The following FGGY variants were observed in gnomAD, a reference collection of about 807,000 sequenced individuals.
The protein encoded by FGGY is FGGY carbohydrate kinase domain containing.
A neutral mutation model predicts 71.3 loss-of-function variants in FGGY; 72 were observed. That is an observed-to-expected ratio of 1.01 (90% CI 0.84 to 1.23). The LOEUF is 1.23. FGGY is among the 50% of genes most tolerant of loss of function. FGGY has a pLI of 0.00. For synonymous variants in FGGY, 251 were observed against 250.3 expected, an observed-to-expected ratio of 1.00 and a Z score of -0.02; for missense variants, 668 against 682.3, an observed-to-expected ratio of 0.98 and a Z score of 0.23.
chr1:59,669,251 T>C (rs1228955065), intron 13 of FGGY, among the ~76,000 whole-genome samples: 4 of 152,168 alleles, frequency 2.6e-5, no homozygotes, highest in Admixed American at 2.6e-4. Context: ...ATTGTAACTG[T>C]GGTGTGTCGG....
chr1:59,369,787 G>A (rs2057273602), intron 4 of FGGY, among the ~76,000 whole-genome samples: 1 of 152,346 alleles, frequency 6.6e-6, no homozygotes, highest in Non-Finnish European at 1.5e-5. Flanking sequence ...CACCGCTGCT[G>A]ATACCCAGGC....
intron 6 of FGGY, among the ~76,000 whole-genome samples, chr1:59,465,868 A>T (rs184480162): frequency 9.2e-5 from 14 of 152,224 alleles, no homozygotes; most frequent in African/African-American, 9.6e-5. Flanking sequence ...ACACAAACAA[A>T]TGGAAGAACA....
intron 1 of FGGY, among the ~76,000 whole-genome samples, chr1:59,313,604 A>G (rs1259230135): frequency 6.7e-6 from 1 of 149,428 alleles, no homozygotes; most frequent in Non-Finnish European, 1.5e-5. Flanking sequence ...ACACACACAC[A>G]TGATGGAATA....
At chr1:59,384,144 C>A (rs2059809054) in intron 5 of FGGY, among the ~76,000 whole-genome samples, 1 of 152,130 alleles carries the variant, frequency 6.6e-6, no homozygotes, top group Non-Finnish European at 1.5e-5. Context: ...TATTGGCTGT[C>A]TAATCATCCC....
At chr1:59,585,658 A>G (rs2096272428) in intron 8 of FGGY, among the ~76,000 whole-genome samples, 1 of 152,252 alleles carries the variant, frequency 6.6e-6, no homozygotes, top group African/African-American at 2.4e-5. Context: ...ACAAAAGCCA[A>G]AATTGACAAA....
intron 7 of FGGY, among the ~76,000 whole-genome samples, chr1:59,542,688 T>C (rs1382003784): frequency 6.6e-6 from 1 of 152,124 alleles, no homozygotes; most frequent in African/African-American, 2.4e-5. Flanking sequence ...GCTCCCAATC[T>C]CAGGTGATCT....
intron 15 of FGGY, among the ~76,000 whole-genome samples, chr1:59,761,186 A>T (rs2098337821): frequency 1.3e-5 from 2 of 152,180 alleles, no homozygotes. Context: ...AGTTTAAGTA[A>T]CATATCCAAA....
intron 14 of FGGY, among the ~76,000 whole-genome samples, chr1:59,741,555 G>A (rs2098147430): frequency 6.6e-6 from 1 of 152,132 alleles, no homozygotes; most frequent in African/African-American, 2.4e-5. Flanking sequence ...CTTTATAGCA[G>A]TGCGAGAACA....
intron 9 of FGGY, among the ~76,000 whole-genome samples, chr1:59,614,698 G>A (rs2096731309): frequency 2.6e-5 from 4 of 152,132 alleles, no homozygotes; most frequent in Admixed American, 2.6e-4. Flanking sequence ...AGGAAAAGAG[G>A]AAGTCAAATT....
At chr1:59,740,361 C>G (rs1177844887) in intron 14 of FGGY, among the ~76,000 whole-genome samples, 1 of 152,220 alleles carries the variant, frequency 6.6e-6, no homozygotes, top group Non-Finnish European at 1.5e-5. Context: ...TTCTTAGCCA[C>G]CAACTACCTC....
chr1:59,641,532 A>G (rs972550268), intron 11 of FGGY, among the ~76,000 whole-genome samples: 8 of 152,214 alleles, frequency 5.3e-5, no homozygotes, highest in African/African-American at 1.9e-4. Context: ...TGTGTATATA[A>G]TCATTTTACA....
At chr1:59,738,090 AAAG>A (rs1458813183) in intron 14 of FGGY, among the ~76,000 whole-genome samples, 4 of 152,252 alleles carry the variant, frequency 2.6e-5, no homozygotes, top group African/African-American at 7.2e-5. Context: ...CCCTATTCAA[AAAG>A]AAGAACCTTC....
chr1:59,417,890 T>A (rs1363808156), intron 5 of FGGY, among the ~76,000 whole-genome samples: 3 of 152,214 alleles, frequency 2.0e-5, no homozygotes, highest in Non-Finnish European at 2.9e-5. Flanking sequence ...ACTGGCCACA[T>A]TTCAAGTGCT....
chr1:59,531,700 G>A (rs186462218), intron 7 of FGGY, among the ~76,000 whole-genome samples: 1 of 152,322 alleles, frequency 6.6e-6, no homozygotes, highest in Admixed American at 6.5e-5. Flanking sequence ...TGGGCAGTCT[G>A]CAGGCTGGAA....
intron 8 of FGGY, among the ~76,000 whole-genome samples, chr1:59,596,350 T>C (rs1215992343): frequency 6.6e-6 from 1 of 151,984 alleles, no homozygotes; most frequent in Non-Finnish European, 1.5e-5. Context: ...AAGGGACATA[T>C]TCCATTTAGG....
intron 1 of FGGY, among the ~76,000 whole-genome samples, chr1:59,309,627 A>C (rs951368949): frequency 3.3e-5 from 5 of 152,180 alleles, no homozygotes; most frequent in African/African-American, 1.2e-4. Context: ...GGTCAAGTCT[A>C]ATGTTTAATC....
At chr1:59,708,764 G>A (rs941781626) in intron 14 of FGGY, among the ~76,000 whole-genome samples, 1 of 152,074 alleles carries the variant, frequency 6.6e-6, no homozygotes, top group Non-Finnish European at 1.5e-5. Flanking sequence ...GTTGAGCAGC[G>A]CTAATTTGAA....
chr1:59,746,644 A>G lies in FGGY; in HGVS notation c.1513-11287A>G, dbSNP rs138764160. On this transcript the variant is annotated intron_variant, in intron 14 of 15. Coordinates refer to ENST00000303721, the MANE Select transcript of FGGY (RefSeq NM_018291.5). ...GTAGCTGGGCCTACAAACACGTACC[A>G]TCACACCTGGCTAATTTTTATTTTA... 8.2e-3 allele frequency among the ~76,000 whole-genome samples: 1,248 copies of G among 152,122 alleles called. 16 individuals are homozygous for G. Among genetic ancestry groups the G allele is most frequent in the African/African-American group, 0.028 (1,182 of 41,478 alleles).
intron 9 of FGGY, among the ~76,000 whole-genome samples, chr1:59,620,183 CCAT>C (rs1454227693): frequency 3.3e-5 from 5 of 151,716 alleles, no homozygotes; most frequent in African/African-American, 9.7e-5. Context: ...GTAAAGAGTA[CCAT>C]CATTTATATT....
Sources: gnomAD v4.1 joint callset for allele counts (sites outside exome capture counted in the v4.1 genomes callset) on GRCh38, gnomAD v4.1.1 for gene constraint, MANE v1.5 for transcripts, NCBI Gene and HGNC (gene_info 2026-07-23, HGNC 2026-07-21) for gene names.